GTF3C1: variants seen among roughly 807,000 people sequenced by gnomAD.
GTF3C1 encodes the protein general transcription factor IIIC subunit 1.
A neutral mutation model predicts 226.7 loss-of-function variants in GTF3C1; 57 were observed. The observed-to-expected ratio is 0.25, with a 90% confidence interval of 0.20 to 0.31. The LOEUF (loss-of-function observed/expected upper bound fraction) is 0.31, where lower values mean the gene tolerates loss of function less well. Among genes scored for constraint, GTF3C1 ranks in the 10% least tolerant of loss-of-function variants. GTF3C1 has a pLI of 1.00. For synonymous variants in GTF3C1, 1,090 were observed against 1,084.8 expected (o/e 1.00, Z -0.09); for missense variants, 2,217 against 2,776.1 (o/e 0.80, Z 4.53).
intron 6 of GTF3C1, among the ~76,000 whole-genome samples, chr16:27,516,213 C>T (rs2088656026): frequency 6.6e-6 from 1 of 152,224 alleles, no homozygotes. Context: ...TGCGAAGGCG[C>T]CCCCCTGCTC....
chr16:27,479,547 C>A (rs1446723135), intron 27 of GTF3C1, among the ~76,000 whole-genome samples: 1 of 152,178 alleles, frequency 6.6e-6, no homozygotes, highest in Non-Finnish European at 1.5e-5. Context: ...AACGTGAAAA[C>A]CACCTCTGCT....
chr16:27,461,127 A>C lies in GTF3C1; in HGVS notation c.*223T>G. On this transcript the variant is annotated 3_prime_UTR_variant, in exon 37 of 37. Coordinates refer to ENST00000356183, the MANE Select transcript of GTF3C1 (RefSeq NM_001520.4). This position sits in a 1 kb window ranked among gnomAD's most constrained non-coding sequence, Gnocchi z 5.3. Reference sequence around the variant, plus strand: ...TGTGATGAGGCCAGTTCCCAAGGGGAAGGCCCAGAAGAGCCTGGGGGATGG... The same window carrying C: ...TGTGATGAGGCCAGTTCCCAAGGGGCAGGCCCAGAAGAGCCTGGGGGATGG... The C allele has an allele frequency of 2.0e-6, 1 of 491,138 alleles. No homozygotes were observed. The highest frequency in any genetic ancestry group is 3.7e-5 in the South Asian group (1 of 26,878). 30.4% of individuals were successfully genotyped at this position (491,138 alleles called of 1,614,324 possible).
intron 4 of GTF3C1, among the ~76,000 whole-genome samples, chr16:27,534,147 C>T (rs373806808): frequency 4.6e-5 from 7 of 152,214 alleles, no homozygotes; most frequent in East Asian, 3.8e-4. Context: ...CTCACTGGGA[C>T]GCCACTCTGA....
Position 27,481,752 on chromosome 16 carries a change from G to C in GTF3C1, c.4084-561C>G, listed in dbSNP as rs997722453. On this transcript the variant is annotated intron_variant, in intron 26 of 36. Coordinates refer to ENST00000356183, the MANE Select transcript of GTF3C1 (RefSeq NM_001520.4). ...CCTCCCTGGCCTGGTGGCTATGTAG[G>C]ACGCAGCCCCTGCTGCATCTGGCTG... 3.9e-5 allele frequency among the ~76,000 whole-genome samples: 6 copies of C among 152,304 alleles called. 1 individual carries two copies. Among genetic ancestry groups the C allele is most frequent in the African/African-American group, 1.4e-4 (6 of 41,552 alleles).
rs147298168 is a variant in GTF3C1 at position 27,489,271 on chromosome 16, C to A, written c.3294-93G>T. 510 of 1,385,412 alleles carry A rather than the reference C, an allele frequency of 3.7e-4. 6 individuals are homozygous for A. In the East Asian group the frequency reaches 0.012, roughly 31 times the overall value. The allele number at this position is 1,385,412 out of a possible 1,614,324, so 85.8% of individuals were successfully genotyped here. A position where few individuals can be genotyped will look rare whatever the true frequency, so the allele number is the denominator to read the frequency against. ...TGGGTTGAGGGACATTTATTTATAACCAACTTTCACCTTTCCAGAAAAACA... is the reference window on the plus strand; with the variant it reads ...TGGGTTGAGGGACATTTATTTATAAACAACTTTCACCTTTCCAGAAAAACA... On this transcript the variant is annotated intron_variant, in intron 20 of 36. Transcript: ENST00000356183.
At chr16:27,504,360 C>A (rs2088452111) in intron 10 of GTF3C1, among the ~76,000 whole-genome samples, 1 of 152,196 alleles carries the variant, frequency 6.6e-6, no homozygotes, top group African/African-American at 2.4e-5. Context: ...GGCTCCACTG[C>A]TGGAAGGCCC....
At chr16:27,530,126 G>C (rs947340936) in intron 5 of GTF3C1, among the ~76,000 whole-genome samples, 16 of 152,144 alleles carry the variant, frequency 1.1e-4, no homozygotes, top group Non-Finnish European at 1.6e-4. Context: ...ACATTCTGGG[G>C]GGAGAGACAG....
intron 4 of GTF3C1, among the ~76,000 whole-genome samples, chr16:27,535,811 G>A (rs1336978345): frequency 1.3e-5 from 2 of 151,822 alleles, no homozygotes; most frequent in Admixed American, 6.6e-5. Context: ...TCGCGCCATC[G>A]CACTCCAGCC....
In GTF3C1 at chr16:27,525,202, A is replaced by AAAGAAAAGAAAAGAAAAGAAAAGAT. The variant is rs1284574172; in HGVS notation, c.973+3395_973+3396insATCTTTTCTTTTCTTTTCTTTTCTT. On this transcript the variant is annotated intron_variant, in intron 6 of 36. Coordinates refer to ENST00000356183, the MANE Select transcript of GTF3C1 (RefSeq NM_001520.4). ...GAAAGAAATAAAAGAAAAGAAAAGAAAAGATCAAATACTGAGGAATCACCT... is the reference window on the plus strand; with the variant it reads ...GAAAGAAATAAAAGAAAAGAAAAGAAAAGAAAAGAAAAGAAAAGAAAAGATAAGATCAAATACTGAGGAATCACCT... Among the ~76,000 whole-genome samples the AAAGAAAAGAAAAGAAAAGAAAAGAT allele has an allele frequency of 2.3e-4, 35 of 152,018 alleles. 1 individual carries two copies. Among genetic ancestry groups the AAAGAAAAGAAAAGAAAAGAAAAGAT allele is most frequent in the Admixed American group, 5.9e-4 (9 of 15,278 alleles).
In GTF3C1 at chr16:27,486,088, T is replaced by C; in HGVS notation, c.3767A>G (p.Gln1256Arg). 1.2e-6 allele frequency: 2 copies of C among 1,607,770 alleles called. No individual in the cohort carries two copies. Among genetic ancestry groups the C allele is most frequent in the Non-Finnish European group, 1.7e-6 (2 of 1,174,286 alleles). Residue 1256 changes from glutamine (Q) to arginine (R), a missense_variant, in exon 24 of 37, where the codon CAG becomes CGG. Gln to Arg is a conservative substitution (Grantham distance 43). This residue lies in a region of GTF3C1 where 546 missense variants were observed against 663.0 expected (regional missense o/e 0.82). Transcript: ENST00000356183. ...YHDEADQSALQRMTRLRVTWS... is the reference protein window; with the variant it reads ...YHDEADQSALRRMTRLRVTWS... ...GGTGACACGAAGCCGCGTCATCCGC[T>C]GCAGGGCACTCTGGTCGGCTTCATC...
At chr16:27,512,949 C>G (rs540518576) in intron 6 of GTF3C1, among the ~76,000 whole-genome samples, 71 of 152,306 alleles carry the variant, frequency 4.7e-4, no homozygotes, top group Admixed American at 1.0e-3. Context: ...TGATACGCGA[C>G]AACCTGGAGC....
chr16:27,498,565 T>C, intron 13 of GTF3C1, 65 bp downstream of exon 13: 3 of 823,116 alleles, frequency 3.6e-6, no homozygotes, highest in Non-Finnish European at 6.5e-6. Context: ...TCTTCTGGAT[T>C]GCTGTAGGCT....
At chr16:27,514,895 C>T (rs748630266) in intron 6 of GTF3C1, among the ~76,000 whole-genome samples, 5 of 152,210 alleles carry the variant, frequency 3.3e-5, no homozygotes, top group African/African-American at 7.2e-5. Flanking sequence ...AATAGAAGAG[C>T]GGCGCGGCGC....
chr16:27,527,899 AG>A (rs1185991541), intron 6 of GTF3C1, among the ~76,000 whole-genome samples: 1 of 151,980 alleles, frequency 6.6e-6, no homozygotes, highest in African/African-American at 2.4e-5. Context: ...GTTTGAGCCC[AG>A]GAAGTGGAGA....
intron 29 of GTF3C1, among the ~76,000 whole-genome samples, chr16:27,473,591 G>A (rs923869006): frequency 6.6e-6 from 1 of 152,264 alleles, no homozygotes; most frequent in East Asian, 1.9e-4. Flanking sequence ...CTGTCAGGCA[G>A]GGGTGGGTCA....
rs1314656646 is a variant in GTF3C1, at chr16:27,539,946, C to T, written c.432-1590G>A. Among the ~76,000 whole-genome samples, 3 of 152,120 alleles carry T rather than the reference C, an allele frequency of 2.0e-5. No homozygotes were observed. In the East Asian group the frequency reaches 5.8e-4, roughly 29 times the overall value. ...AGGAAATGGCCCAAGGTAGAGGACCCCCCTTTCCCAGATGAAGGAGTCACC... is the reference window on the plus strand; with the variant it reads ...AGGAAATGGCCCAAGGTAGAGGACCTCCCTTTCCCAGATGAAGGAGTCACC... On this transcript the variant is annotated intron_variant, in intron 2 of 36. Coordinates refer to ENST00000356183, the MANE Select transcript of GTF3C1 (RefSeq NM_001520.4).
In GTF3C1 at chr16:27,545,531, G is replaced by C; in HGVS notation, c.222-8C>G. On this transcript the variant is annotated splice_polypyrimidine_tract_variant and splice_region_variant and intron_variant, in intron 1 of 36. Coordinates refer to ENST00000356183, the MANE Select transcript of GTF3C1 (RefSeq NM_001520.4). ...AAATCAATTTCTTCATACCTAAGGA[G>C]AAAAACACAAATATCAAAGCCCAAC... 1 of 1,531,800 alleles carries C rather than the reference G, an allele frequency of 6.5e-7. No homozygotes were observed. The highest frequency in any genetic ancestry group is 1.4e-5 in the African/African-American group (1 of 73,464). 94.9% of individuals were successfully genotyped at this position (1,531,800 alleles called of 1,614,324 possible). A position where few individuals can be genotyped will look rare whatever the true frequency, so the allele number is the denominator to read the frequency against.
intron 16 of GTF3C1, among the ~76,000 whole-genome samples, chr16:27,493,830 CTACTTAATAT>C (rs1286198220): frequency 1.3e-5 from 2 of 152,072 alleles, no homozygotes; most frequent in African/African-American, 2.4e-5. Flanking sequence ...TACTATGACT[CTACTTAATAT>C]CAAGTCTAAA....
rs768299354 is a variant in GTF3C1, at chr16:27,462,530, G to A, written c.5925-44C>T. ...ACATCAGGGCTTGGTGGGGGCAGGA[G>A]GGCAGCTCGTCCAGACAGAACACTG... On this transcript the variant is annotated intron_variant, in intron 35 of 36. Coordinates refer to ENST00000356183, the MANE Select transcript of GTF3C1 (RefSeq NM_001520.4). The surrounding 1 kb of genome is among the most constrained non-coding windows in gnomAD (Gnocchi z 4.5). 4.0e-6 allele frequency: 6 copies of A among 1,497,316 alleles called. No individual in the cohort carries two copies. The African/African-American group carries it at 5.5e-5, about 14-fold the overall frequency. 92.8% of individuals were successfully genotyped at this position (1,497,316 alleles called of 1,614,324 possible).
Sources: gnomAD v4.1 joint callset for allele counts (sites outside exome capture counted in the v4.1 genomes callset) on GRCh38, gnomAD v4.1.1 for gene constraint, gnomAD v4.1.1 regional missense constraint, Gnocchi (gnomAD v3.1) non-coding constraint, MANE v1.5 for transcripts, NCBI Gene and HGNC (gene_info 2026-07-23, HGNC 2026-07-21) for gene names.